GFRA2: variants seen among roughly 807,000 people sequenced by gnomAD.
GFRA2 encodes GDNF family receptor alpha 2.
Under a neutral mutation model 48.3 loss-of-function variants are expected in GFRA2, and 17 were observed. The observed-to-expected ratio is 0.35, with a 90% CI of 0.24 to 0.53. The LOEUF (loss-of-function observed/expected upper bound fraction) is 0.53, where lower values mean the gene tolerates loss of function less well. GFRA2 is among the 20% of genes least tolerant of loss of function. The pLI is 0.93. For missense variants in GFRA2, 660 were observed against 637.3 expected (o/e 1.04, Z -0.38); for synonymous variants, 305 against 257.2 (o/e 1.19, Z -1.78).
intron 4 of GFRA2, among the ~76,000 whole-genome samples, chr8:21,714,377 C>A (rs1298444393): frequency 1.3e-5 from 2 of 151,210 alleles, no homozygotes; most frequent in African/African-American, 2.4e-5. Context: ...GCCACCGGAG[C>A]AGCTGGAATT....
intron 3 of GFRA2, among the ~76,000 whole-genome samples, chr8:21,769,705 G>A (rs934162803): frequency 1.3e-5 from 2 of 152,188 alleles, no homozygotes; most frequent in Non-Finnish European, 2.9e-5. Context: ...ACAGGACACA[G>A]AGACCAACAC....
intron 3 of GFRA2, among the ~76,000 whole-genome samples, chr8:21,770,791 T>A (rs973983797): frequency 6.6e-6 from 1 of 152,182 alleles, no homozygotes; most frequent in Non-Finnish European, 1.5e-5. Flanking sequence ...ACCACTTTGA[T>A]GTCCACCCAC....
chr8:21,727,001 C>G (rs888340736), intron 4 of GFRA2, among the ~76,000 whole-genome samples: 3 of 152,158 alleles, frequency 2.0e-5, no homozygotes, highest in Admixed American at 2.0e-4. Flanking sequence ...CCACCTGCCT[C>G]GGCCTCCCAA....
intron 4 of GFRA2, among the ~76,000 whole-genome samples, chr8:21,708,592 CAAGTT>C (rs1670663340): frequency 6.6e-6 from 1 of 152,104 alleles, no homozygotes; most frequent in Admixed American, 6.5e-5. Context: ...CAGATGTAAT[CAAGTT>C]AAGATGAGGT....
intron 4 of GFRA2, among the ~76,000 whole-genome samples, chr8:21,735,370 C>G (rs1165886448): frequency 2.0e-5 from 3 of 148,746 alleles, no homozygotes; most frequent in African/African-American, 7.5e-5. Context: ...GGAAACCAAG[C>G]CCCCCCCCAA....
At chr8:21,806,035 C>G (rs1251392445) in intron 1 of GFRA2, among the ~76,000 whole-genome samples, 1 of 152,204 alleles carries the variant, frequency 6.6e-6, no homozygotes, top group Non-Finnish European at 1.5e-5. Context: ...TAAACGACCT[C>G]TTGCTGGTCC....
intron 4 of GFRA2, among the ~76,000 whole-genome samples, chr8:21,729,310 A>G (rs1234956813): frequency 6.6e-6 from 1 of 152,184 alleles, no homozygotes; most frequent in Admixed American, 6.5e-5. Context: ...AGCCTGGGCA[A>G]CAGAGTGAGA....
chr8:21,703,972 C>A (rs1802613166), intron 6 of GFRA2, among the ~76,000 whole-genome samples: 1 of 152,282 alleles, frequency 6.6e-6, no homozygotes, highest in South Asian at 2.1e-4. Context: ...CCTTCAAACA[C>A]CCACAGTACC....
At chr8:21,723,365 C>G (rs955324009) in intron 4 of GFRA2, among the ~76,000 whole-genome samples, 2 of 151,986 alleles carry the variant, frequency 1.3e-5, no homozygotes, top group Non-Finnish European at 2.9e-5. Flanking sequence ...GTACAAGGTA[C>G]CAAAGGAAGA....
intron 2 of GFRA2, among the ~76,000 whole-genome samples, chr8:21,798,996 C>T (rs1807724416): frequency 6.6e-6 from 1 of 152,158 alleles, no homozygotes; most frequent in Non-Finnish European, 1.5e-5. Context: ...TAGGGGCTGG[C>T]CCATGATAAC....
chr8:21,764,891 T>G (rs895575734), intron 3 of GFRA2, among the ~76,000 whole-genome samples: 1 of 152,144 alleles, frequency 6.6e-6, no homozygotes, highest in African/African-American at 2.4e-5. Context: ...AGATTTCTGG[T>G]TGCTGATTTT....
chr8:21,800,285 C>A (rs1019359341), intron 2 of GFRA2, among the ~76,000 whole-genome samples: 12 of 152,174 alleles, frequency 7.9e-5, no homozygotes, highest in African/African-American at 2.4e-4. Flanking sequence ...GAAATGTTAA[C>A]AGAGAGACAA....
chr8:21,710,346 G>A (rs1802956671), intron 4 of GFRA2, among the ~76,000 whole-genome samples: 1 of 152,232 alleles, frequency 6.6e-6, no homozygotes, highest in Admixed American at 6.5e-5. Context: ...CGCTGTGCCT[G>A]CCACTTGAAG....
rs752374299 is a variant in GFRA2, at chr8:21,750,924, A to G, written c.458T>C (p.Val153Ala). Residue 153 changes from valine to alanine, a missense_variant, in exon 4 of 9, where the codon GTG becomes GCG. Coordinates refer to ENST00000524240, the MANE Select transcript of GFRA2 (RefSeq NM_001495.5). The surrounding 1 kb of genome is among the most constrained non-coding windows in gnomAD (Gnocchi z 5.7). ...GCAATGGTTGCTCTTGGCGCTGACC[A>G]CCGGGTCTGCCCCTGTCCCTGGAGG... ...SIFSGTGADPVVSAKSNHCLD... is the reference protein window; with the variant it reads ...SIFSGTGADPAVSAKSNHCLD... 1.9e-6 allele frequency: 3 copies of G among 1,612,326 alleles called. No homozygotes were observed. The highest frequency in any genetic ancestry group is 2.5e-6 in the Non-Finnish European group (3 of 1,179,190).
intron 2 of GFRA2, among the ~76,000 whole-genome samples, chr8:21,776,003 G>A (rs1806681608): frequency 7.6e-6 from 1 of 131,952 alleles, no homozygotes; most frequent in African/African-American, 4.0e-5. Flanking sequence ...GTGTGTGTGT[G>A]TGTGTGTGTG....
At chr8:21,731,505 C>T (rs997266590) in intron 4 of GFRA2, among the ~76,000 whole-genome samples, 6 of 152,016 alleles carry the variant, frequency 3.9e-5, no homozygotes, top group African/African-American at 7.2e-5. Context: ...AAAAGGGCTC[C>T]GGCAAAACAG....
rs1250956201 is a variant in GFRA2 at position 21,713,064 on chromosome 8, AAGGGAGAGGGAGAGGGAGAGGCAG to A, written c.795-7047_795-7024del. ...GGGAGAGGGAGAGGGAGACGAGGGAAAGGGAGAGGGAGAGGGAGAGGCAGAGGGAGAGGGAGAGCCAGTTTTTCT... is the reference window on the plus strand; with the variant it reads ...GGGAGAGGGAGAGGGAGACGAGGGAAAGGGAGAGGGAGAGCCAGTTTTTCT... On this transcript the variant is annotated intron_variant, in intron 4 of 8. Coordinates refer to ENST00000524240, the MANE Select transcript of GFRA2 (RefSeq NM_001495.5). Among the ~76,000 whole-genome samples, 4 of 129,676 alleles carry A rather than the reference AAGGGAGAGGGAGAGGGAGAGGCAG, an allele frequency of 3.1e-5. No homozygotes were observed. The East Asian group carries it at 9.4e-4, about 30-fold the overall frequency. 85.1% of individuals were successfully genotyped at this position (129,676 alleles called of 152,430 possible). A position where few individuals can be genotyped will look rare whatever the true frequency, so the allele number is the denominator to read the frequency against.
At chr8:21,781,260 A>G (rs1466075495) in intron 2 of GFRA2, among the ~76,000 whole-genome samples, 1 of 152,156 alleles carries the variant, frequency 6.6e-6, no homozygotes, top group Non-Finnish European at 1.5e-5. Context: ...GCTGAAGCAC[A>G]GATCTGATCA....
intron 2 of GFRA2, among the ~76,000 whole-genome samples, 163 bp from the exon 3 acceptor site, chr8:21,775,218 G>A (rs1486634259): frequency 6.6e-6 from 1 of 152,170 alleles, no homozygotes. Flanking sequence ...GCAGGACCAG[G>A]GCACATTAGC....
Sources: gnomAD v4.1 joint callset for allele counts (sites outside exome capture counted in the v4.1 genomes callset) on GRCh38, gnomAD v4.1.1 for gene constraint, Gnocchi (gnomAD v3.1) non-coding constraint, MANE v1.5 for transcripts, NCBI Gene and HGNC (gene_info 2026-07-23, HGNC 2026-07-21) for gene names.